HDC: variants seen among roughly 807,000 people sequenced by gnomAD.
The protein encoded by HDC is histidine decarboxylase.
Under a neutral mutation model 64.4 loss-of-function variants are expected in HDC, and 27 were observed. The observed-to-expected ratio is 0.42, with a 90% CI of 0.31 to 0.58. The LOEUF (loss-of-function observed/expected upper bound fraction) is 0.58. HDC is among the 20% of genes least tolerant of loss of function. HDC has a pLI of 0.16. For missense variants in HDC, 711 were observed against 833.9 expected (o/e 0.85, Z 1.81); for synonymous variants, 305 against 314.2 (o/e 0.97, Z 0.31).
At chr15:50,263,754 C>T (rs1217129673) in intron 1 of HDC, among the ~76,000 whole-genome samples, 4 of 151,990 alleles carry the variant, frequency 2.6e-5, no homozygotes, top group African/African-American at 7.3e-5. Context: ...GAGCCGAGAT[C>T]GTGCCACTGC....
chr15:50,252,673 C>A lies in HDC; in HGVS notation c.889G>T (p.Asp297Tyr). Residue 297 changes from aspartate to tyrosine, a missense_variant, in exon 8 of 12, where the codon GAC becomes TAC. Around this residue, in one of 3 missense-constraint regions of HDC, gnomAD observed 483 missense variants for 540.9 expected, o/e 0.89. Coordinates refer to ENST00000267845, the MANE Select transcript of HDC (RefSeq NM_002112.4). ...RGFLKGIEYA[D>Y]SFTFNPSKWM... Reference sequence around the variant, plus strand: ...TTGGAAGGATTAAAGGTGAAGGAGTCGGCATACTCAATCCCCTTCAGAAAC... The same window carrying A: ...TTGGAAGGATTAAAGGTGAAGGAGTAGGCATACTCAATCCCCTTCAGAAAC... The A allele has an allele frequency of 5.0e-6, 8 of 1,614,078 alleles. No individual in the cohort carries two copies. Among genetic ancestry groups the A allele is most frequent in the Non-Finnish European group, 6.8e-6 (8 of 1,180,020 alleles).
intron 7 of HDC, 154 bp downstream of exon 7, chr15:50,253,446 G>T (rs1567451271): frequency 1.3e-6 from 1 of 753,522 alleles, no homozygotes; most frequent in Non-Finnish European, 2.4e-6. Flanking sequence ...ATCCCTGGAA[G>T]AGACCCTCAT....
intron 1 of HDC, among the ~76,000 whole-genome samples, chr15:50,264,879 G>C (rs114558425): frequency 0.012 from 1,762 of 152,232 alleles, 34 homozygotes; most frequent in African/African-American, 0.041. Context: ...ACTGATCCAG[G>C]AACAGTGCTA....
At chr15:50,249,043 A>G (rs980525199) in intron 9 of HDC, among the ~76,000 whole-genome samples, 4 of 152,218 alleles carry the variant, frequency 2.6e-5, no homozygotes, top group Admixed American at 6.5e-5. Context: ...ATTTAACCTT[A>G]CACTGCCTTG....
chr15:50,245,437 A>G (rs1440437189), intron 10 of HDC, among the ~76,000 whole-genome samples: 2 of 152,200 alleles, frequency 1.3e-5, no homozygotes, highest in South Asian at 2.1e-4. Flanking sequence ...ACAATTTATT[A>G]TAATTAGATG....
At chr15:50,250,522 A>G (rs854151) in intron 9 of HDC, among the ~76,000 whole-genome samples, 36,989 of 152,014 alleles carry the variant, frequency 0.24, 4,578 homozygotes, top group East Asian at 0.31. Context: ...AAAATCTCCA[A>G]ACTCCTAGGA....
In HDC at chr15:50,254,776, C is replaced by CTCTCTCTCTG. The variant is rs542486289; in HGVS notation, c.442-113_442-112insCAGAGAGAGA. On this transcript the variant is annotated intron_variant, in intron 4 of 11. Transcript: ENST00000267845. ...TCTCTCTCTCTCTCTCTCTCTCTCT[C>CTCTCTCTCTG]TGTGTGTGTATGTGTTTGTGTATGT... 5.3e-4 allele frequency: 437 copies of CTCTCTCTCTG among 826,160 alleles called. 4 individuals are homozygous for CTCTCTCTCTG. The African/African-American group carries it at 7.1e-3, about 13-fold the overall frequency. The allele number at this position is 826,160 out of a possible 1,614,324, so 51.2% of individuals were successfully genotyped here.
chr15:50,243,455 T>A (rs2045430998), intron 10 of HDC, among the ~76,000 whole-genome samples: 1 of 152,210 alleles, frequency 6.6e-6, no homozygotes, highest in Non-Finnish European at 1.5e-5. Flanking sequence ...TCACATGGGA[T>A]CCACCTCGAG....
rs1322516637 is a variant in HDC, at chr15:50,242,599, A to C, written c.1650T>G (p.Asp550Glu). 6.2e-7 allele frequency: 1 copy of C among 1,614,218 alleles called. No individual in the cohort carries two copies. The highest frequency in any genetic ancestry group is 8.5e-7 in the Non-Finnish European group (1 of 1,180,040). The part of the protein sequence containing the change: ...LHLETLLDPV[D>E]DCFSEEAPDA... ...CTGGGGCCTCTTCTGAAAAGCAGTC[A>C]TCAACTGGGTCCAGCAGGGTTTCAA... The change falls in exon 12 of 12, where the codon GAT becomes GAG. Residue 550 changes from aspartate (D) to glutamate (E), a missense_variant. Coordinates refer to ENST00000267845, the MANE Select transcript of HDC (RefSeq NM_002112.4).
At chr15:50,258,366 G>C in intron 3 of HDC, 38 bp downstream of exon 3, 1 of 1,156,020 alleles carries the variant, frequency 8.7e-7, no homozygotes, top group South Asian at 1.2e-5. Flanking sequence ...TCCCTGCTAC[G>C]TTCCCCATTG....
chr15:50,260,894 AGGGG>A (rs1269615542), intron 2 of HDC, among the ~76,000 whole-genome samples: 1 of 152,136 alleles, frequency 6.6e-6, no homozygotes, highest in Non-Finnish European at 1.5e-5. Context: ...TTGGAATTAA[AGGGG>A]AAAGAGAGTT....
intron 11 of HDC, 22 bp downstream of exon 11, chr15:50,243,121 G>A: frequency 6.2e-7 from 1 of 1,611,602 alleles, no homozygotes; most frequent in African/African-American, 1.3e-5. Context: ...CATTCACAGA[G>A]GGGCTTGGAA....
At chr15:50,246,995 G>C (rs1178562007) in intron 10 of HDC, among the ~76,000 whole-genome samples, 2 of 152,156 alleles carry the variant, frequency 1.3e-5, no homozygotes, top group Non-Finnish European at 2.9e-5. Flanking sequence ...AGGCACAGAA[G>C]GACAAATTTC....
rs16963519 is a variant in HDC, at chr15:50,259,824, A to G, written c.205-1307T>C. Among the ~76,000 whole-genome samples the G allele has an allele frequency of 4.5e-4, 68 of 152,268 alleles. 1 individual carries two copies. The highest frequency in any genetic ancestry group is 1.6e-3 in the African/African-American group (67 of 41,562). Reference sequence around the variant, plus strand: ...TCATCCTGTTCTTTACTGTCCACACATACTTAGAGTCCTTCAAGAGCAAGG... The same window carrying G: ...TCATCCTGTTCTTTACTGTCCACACGTACTTAGAGTCCTTCAAGAGCAAGG... On this transcript the variant is annotated intron_variant, in intron 2 of 11. Transcript: ENST00000267845.
At chr15:50,256,597 G>C (rs1304855978) in intron 4 of HDC, among the ~76,000 whole-genome samples, 1 of 152,156 alleles carries the variant, frequency 6.6e-6, no homozygotes, top group Non-Finnish European at 1.5e-5. Context: ...ATGTTGCCCA[G>C]GCTGGTTTGA....
chr15:50,256,777 A>T (rs1021079177), intron 4 of HDC, among the ~76,000 whole-genome samples: 1 of 152,224 alleles, frequency 6.6e-6, no homozygotes, highest in Non-Finnish European at 1.5e-5. Flanking sequence ...AGATTATAAA[A>T]CCAGGAAACA....
chr15:50,253,595 C>G lies in HDC; in HGVS notation c.787+5G>C. The stretch of plus-strand genomic sequence containing the variant: ...TCTTCCTAGCCACAGAGGGAAGATA[C>G]TTACAGATGGGGCCCAGCTCTGACA... On this transcript the variant is annotated splice_donor_5th_base_variant and intron_variant, in intron 7 of 11. Transcript: ENST00000267845. 6.2e-7 allele frequency: 1 copy of G among 1,613,376 alleles called. No individual in the cohort carries two copies. Among genetic ancestry groups the G allele is most frequent in the East Asian group, 2.2e-5 (1 of 44,882 alleles).
At chr15:50,243,694 A>G (rs544212777) in intron 10 of HDC, among the ~76,000 whole-genome samples, 20 of 152,364 alleles carry the variant, frequency 1.3e-4, no homozygotes, top group African/African-American at 4.8e-4. Context: ...TCAAGTTGCC[A>G]TATGGGCTAG....
At chr15:50,247,270 A>C (rs1465709328) in intron 10 of HDC, among the ~76,000 whole-genome samples, 1 of 152,214 alleles carries the variant, frequency 6.6e-6, no homozygotes, top group East Asian at 1.9e-4. Flanking sequence ...AAGAAATGAT[A>C]AATGGTTGAG....
Sources: allele counts gnomAD v4.1 joint callset (sites outside exome capture counted in the v4.1 genomes callset), GRCh38; gene constraint gnomAD v4.1.1; regional missense constraint gnomAD v4.1.1; transcripts MANE v1.5; gene names NCBI Gene and HGNC (gene_info 2026-07-23, HGNC 2026-07-21).